The following BMP3 variants were observed in gnomAD, a reference collection of about 807,000 sequenced individuals.
The protein encoded by BMP3 is bone morphogenetic protein 3 (osteogenic).
In BMP3, 23 loss-of-function variants were observed where a neutral mutation model predicts 38.1. That is an observed-to-expected ratio of 0.60 (90% CI 0.43 to 0.86). BMP3 has a LOEUF of 0.86. Among genes scored for constraint, BMP3 ranks in the 40% least tolerant of loss-of-function variants. The probability of loss-of-function intolerance (pLI) is 0.00; values close to 1 mark genes in which losing one functional copy is unlikely to be tolerated. For missense variants in BMP3, 628 were observed against 579.6 expected (o/e 1.08, Z -0.86); for synonymous variants, 258 against 225.7 (o/e 1.14, Z -1.28).
chr4:81,041,011 A>G (rs950684731), intron 1 of BMP3, among the ~76,000 whole-genome samples: 10 of 152,178 alleles, frequency 6.6e-5, no homozygotes. Context: ...TTATTTACTG[A>G]TATTCAAACG....
At chr4:81,034,324 A>G (rs1739863507) in intron 1 of BMP3, among the ~76,000 whole-genome samples, 2 of 152,358 alleles carry the variant, frequency 1.3e-5, no homozygotes, top group Admixed American at 1.3e-4. Flanking sequence ...CACAAAATCT[A>G]TTAGTGACAG....
At chr4:81,040,347 T>G (rs1740036633) in intron 1 of BMP3, among the ~76,000 whole-genome samples, 1 of 152,184 alleles carries the variant, frequency 6.6e-6, no homozygotes. Flanking sequence ...CTCGTTCACT[T>G]TCACACTCTA....
intron 1 of BMP3, among the ~76,000 whole-genome samples, chr4:81,035,654 T>C (rs1739903197): frequency 6.6e-6 from 1 of 152,094 alleles, no homozygotes; most frequent in African/African-American, 2.4e-5. Context: ...TTTTCAAACA[T>C]ACTGAGCTCA....
chr4:81,043,789 A>C (rs960726666), intron 1 of BMP3, among the ~76,000 whole-genome samples: 1 of 151,932 alleles, frequency 6.6e-6, no homozygotes, highest in Admixed American at 6.6e-5. Flanking sequence ...GGGTTTCACT[A>C]TGGTGGCCAG....
In BMP3 at chr4:81,031,405, A is replaced by AC; in HGVS notation, c.122dup (p.Ala42GlyfsTer17). On this transcript the variant is annotated frameshift_variant, in exon 1 of 3. Coordinates refer to ENST00000282701, the MANE Select transcript of BMP3 (RefSeq NM_001201.5). LOFTEE classifies it high-confidence loss of function. Reference sequence around the variant, plus strand: ...CCGCAAAGCTGTGCCAGGTGACCGCACGGCAGGTGGTGGCCCGGACTCCGA... The same window carrying AC: ...CCGCAAAGCTGTGCCAGGTGACCGCACCGGCAGGTGGTGGCCCGGACTCCGA... 2.5e-6 allele frequency: 4 copies of AC among 1,613,706 alleles called. No homozygotes were observed. Among genetic ancestry groups the AC allele is most frequent in the Non-Finnish European group, 3.4e-6 (4 of 1,179,872 alleles).
chr4:81,042,940 G>A (rs887390287), intron 1 of BMP3, among the ~76,000 whole-genome samples: 1 of 152,160 alleles, frequency 6.6e-6, no homozygotes, highest in African/African-American at 2.4e-5. Flanking sequence ...ATAAAGGTCT[G>A]TAAAATATTA....
At position 81,054,185 on chromosome 4, in the gene BMP3, A is replaced by ATT. The variant is rs994056313; in HGVS notation, c.*656_*657dup. 6.6e-6 allele frequency: 1 copy of ATT among 152,390 alleles called. No individual in the cohort carries two copies. Among genetic ancestry groups the ATT allele is most frequent in the African/African-American group, 2.4e-5 (1 of 41,468 alleles). 9.4% of individuals were successfully genotyped at this position (152,390 alleles called of 1,614,324 possible). ...TAATTCAGTTTACACAGGATTCTTTATTTTTTTTAATTTTGTATTTTGGCA... is the reference window on the plus strand; with the variant it reads ...TAATTCAGTTTACACAGGATTCTTTATTTTTTTTTTAATTTTGTATTTTGGCA... On this transcript the variant is annotated 3_prime_UTR_variant, in exon 3 of 3. Coordinates refer to ENST00000282701, the MANE Select transcript of BMP3 (RefSeq NM_001201.5).
Position 81,038,112 on chromosome 4 carries a change from T to A in BMP3, c.316+6512T>A, listed in dbSNP as rs539560475. 2.6e-5 allele frequency among the ~76,000 whole-genome samples: 4 copies of A among 152,312 alleles called. No individual in the cohort carries two copies. The South Asian group carries it at 8.3e-4, about 32-fold the overall frequency. On this transcript the variant is annotated intron_variant, in intron 1 of 2. Transcript: ENST00000282701. Reference sequence around the variant, plus strand: ...TTATCATGTTATTCCTGATCTCATCTGGCCCTTTTAGTGGGCCTATCCATA... The same window carrying A: ...TTATCATGTTATTCCTGATCTCATCAGGCCCTTTTAGTGGGCCTATCCATA...
At chr4:81,041,400 G>GTTT (rs1740071630) in intron 1 of BMP3, among the ~76,000 whole-genome samples, 1 of 152,168 alleles carries the variant, frequency 6.6e-6, no homozygotes, top group Admixed American at 6.5e-5. Flanking sequence ...GGTTAGAAAA[G>GTTT]TCAAAGTCAA....
intron 1 of BMP3, among the ~76,000 whole-genome samples, chr4:81,032,062 C>A (rs1739788260): frequency 1.3e-5 from 2 of 152,046 alleles, no homozygotes; most frequent in South Asian, 4.2e-4. Flanking sequence ...AGAAATCATA[C>A]TTGAATAAGA....
intron 1 of BMP3, among the ~76,000 whole-genome samples, chr4:81,038,711 T>A (rs1739987192): frequency 6.6e-6 from 1 of 152,240 alleles, no homozygotes; most frequent in Non-Finnish European, 1.5e-5. Context: ...TGAAAGTTTT[T>A]ATGCTTTGGT....
Position 81,031,361 on chromosome 4 carries a change from A to C in BMP3, c.77A>C (p.Lys26Thr), listed in dbSNP as rs1218162541. ...AGCCTGGCGCAGGGAGAGAGACCGAAGCCACCTTTCCCGGAGCTCCGCAAA... is the reference window on the plus strand; with the variant it reads ...AGCCTGGCGCAGGGAGAGAGACCGACGCCACCTTTCCCGGAGCTCCGCAAA... ...CVSLAQGERP[K>T]PPFPELRKAV... The change falls in exon 1 of 3, where the codon AAG becomes ACG. Residue 26 changes from lysine (K) to threonine (T), a missense_variant. Transcript: ENST00000282701. The C allele has an allele frequency of 4.3e-6, 7 of 1,613,002 alleles. No individual in the cohort carries two copies. Among genetic ancestry groups the C allele is most frequent in the Non-Finnish European group, 5.1e-6 (6 of 1,179,738 alleles).
At position 81,046,433 on chromosome 4, in the gene BMP3, CAG is replaced by C. The variant is rs769745568; in HGVS notation, c.1016_1017del (p.Arg339LysfsTer13). On this transcript the variant is annotated frameshift_variant, in exon 2 of 3. Transcript: ENST00000282701. LOFTEE classifies it high-confidence loss of function. ...TGAAAAGAGTAAGAATAAAAAGAAA[CAG>C]AGAAAGGGGCCTCATCGGAAGAGCC... ...APEKSKNKKK[Q>X]RKGPHRKSQT... 4.3e-6 allele frequency: 7 copies of C among 1,613,576 alleles called. No individual in the cohort carries two copies. Among genetic ancestry groups the C allele is most frequent in the African/African-American group, 1.3e-5 (1 of 74,804 alleles).
rs991946915 is a variant in BMP3, at chr4:81,056,625, T to C, written c.*3089T>C. On this transcript the variant is annotated 3_prime_UTR_variant, in exon 3 of 3. Transcript: ENST00000282701. ...ACTTTGTTGTAACCTGTGTAAATAA[T>C]ATACAATTTACAGGATTTGGGATTG... is the stretch of plus-strand genomic sequence containing the variant. 1.3e-5 allele frequency: 2 copies of C among 152,662 alleles called. No individual in the cohort carries two copies. Among genetic ancestry groups the C allele is most frequent in the Non-Finnish European group, 1.5e-5 (1 of 68,042 alleles). The allele number at this position is 152,662 out of a possible 1,614,324, so 9.5% of individuals were successfully genotyped here. A position where few individuals can be genotyped will look rare whatever the true frequency, so the allele number is the denominator to read the frequency against.
chr4:81,032,708 C>G (rs1391471130), intron 1 of BMP3, among the ~76,000 whole-genome samples: 1 of 152,190 alleles, frequency 6.6e-6, no homozygotes, highest in African/African-American at 2.4e-5. Context: ...ATGCAAGACT[C>G]CTGGAAAAAG....
In BMP3 at chr4:81,055,223, T is replaced by C. The variant is rs1023976529; in HGVS notation, c.*1687T>C. On this transcript the variant is annotated 3_prime_UTR_variant, in exon 3 of 3. Coordinates refer to ENST00000282701, the MANE Select transcript of BMP3 (RefSeq NM_001201.5). The stretch of plus-strand genomic sequence containing the variant: ...TAATAAACTAAATGAAAGAACATCC[T>C]ATACTTCGCTGTTTGTAAATTAGTA... The C allele has an allele frequency of 1.3e-5, 2 of 152,224 alleles. No homozygotes were observed. The highest frequency in any genetic ancestry group is 2.4e-5 in the African/African-American group (1 of 41,462). The allele number at this position is 152,224 out of a possible 1,614,324, so 9.4% of individuals were successfully genotyped here. A position where few individuals can be genotyped will look rare whatever the true frequency, so the allele number is the denominator to read the frequency against.
chr4:81,045,208 A>G (rs1740196584), intron 1 of BMP3, among the ~76,000 whole-genome samples: 1 of 152,154 alleles, frequency 6.6e-6, no homozygotes, highest in African/African-American at 2.4e-5. Context: ...CCTGATGGCT[A>G]ATGATGTTGA....
chr4:81,049,883 TA>T (rs1219667648), intron 2 of BMP3, among the ~76,000 whole-genome samples: 1 of 152,192 alleles, frequency 6.6e-6, no homozygotes, highest in Non-Finnish European at 1.5e-5. Context: ...TTTCAGACTT[TA>T]GATATAGTTT....
In BMP3 at chr4:81,054,901, T is replaced by C. The variant is rs1255376916; in HGVS notation, c.*1365T>C. ...TAATCCTCATTTTAGTTCCGTCTTA[T>C]CTGATACTTAGAAATATCTCAGCCA... On this transcript the variant is annotated 3_prime_UTR_variant, in exon 3 of 3. Transcript: ENST00000282701. The C allele has an allele frequency of 6.6e-6, 1 of 152,244 alleles. No individual in the cohort carries two copies. The highest frequency in any genetic ancestry group is 1.5e-5 in the Non-Finnish European group (1 of 68,030). The allele number at this position is 152,244 out of a possible 1,614,324, so 9.4% of individuals were successfully genotyped here.
Sources: gnomAD v4.1 joint callset for allele counts (sites outside exome capture counted in the v4.1 genomes callset) on GRCh38, gnomAD v4.1.1 for gene constraint, MANE v1.5 for transcripts, NCBI Gene and HGNC (gene_info 2026-07-23, HGNC 2026-07-21) for gene names.